The following SCAF8 variants were observed in gnomAD, a reference collection of about 807,000 sequenced individuals.
SCAF8 encodes the protein SR-related CTD associated factor 8.
In SCAF8, 23 loss-of-function variants were observed where a neutral mutation model predicts 140.5. The ratio of observed to expected loss-of-function variants is 0.16; its 90% CI spans 0.12 to 0.23. The LOEUF is 0.23. SCAF8 is among the 10% of genes least tolerant of loss of function. SCAF8 has a pLI of 1.00. For synonymous variants in SCAF8, 575 were observed against 528.9 expected (o/e 1.09, Z -1.20); for missense variants, 1,397 against 1,555.7 (o/e 0.90, Z 1.72).
chr6:154,750,720 C>T (rs1778816760), intron 1 of SCAF8, among the ~76,000 whole-genome samples: 1 of 152,116 alleles, frequency 6.6e-6, no homozygotes, highest in Non-Finnish European at 1.5e-5. Flanking sequence ...TTACATAATT[C>T]TTTGCCTTAA....
intron 15 of SCAF8, among the ~76,000 whole-genome samples, chr6:154,821,068 C>T (rs938782664): frequency 1.3e-5 from 2 of 152,122 alleles, no homozygotes; most frequent in Admixed American, 6.6e-5. Context: ...CACCCCACCC[C>T]GCCAATGGCT....
intron 2 of SCAF8, among the ~76,000 whole-genome samples, chr6:154,774,818 T>C (rs1374016552): frequency 6.6e-6 from 1 of 152,172 alleles, no homozygotes; most frequent in Non-Finnish European, 1.5e-5. Flanking sequence ...GAAATAAACA[T>C]ATGCGCAAAA....
At chr6:154,751,272 A>G (rs1031669119) in intron 1 of SCAF8, among the ~76,000 whole-genome samples, 2 of 151,096 alleles carry the variant, frequency 1.3e-5, no homozygotes, top group African/African-American at 4.9e-5. Context: ...CTTGTTGCCC[A>G]GGCTGGAGTG....
Position 154,774,114 on chromosome 6 carries a change from CTA to C in SCAF8, c.114+46_114+47del, listed in dbSNP as rs771157204. On this transcript the variant is annotated intron_variant, in intron 2 of 19. Coordinates refer to ENST00000367178, the MANE Select transcript of SCAF8 (RefSeq NM_014892.5). ...ACTCTTCTATTTTCAAAAGAAAAAA[CTA>C]TATTAATAGTTTGGATGGGGGATAA... The C allele has an allele frequency of 1.2e-4, 159 of 1,277,798 alleles. 1 individual carries two copies. The South Asian group carries it at 1.9e-3, about 15-fold the overall frequency. 79.2% of individuals were successfully genotyped at this position (1,277,798 alleles called of 1,614,324 possible).
chr6:154,817,827 G>C, intron 13 of SCAF8, among the ~76,000 whole-genome samples: 1 of 152,120 alleles, frequency 6.6e-6, no homozygotes, highest in Admixed American at 6.5e-5. Context: ...ATATATTAAG[G>C]ATAATTGTAT....
intron 16 of SCAF8, 89 bp downstream of exon 16, chr6:154,822,498 A>C (rs1778450566): frequency 7.8e-7 from 1 of 1,288,362 alleles, no homozygotes; most frequent in Admixed American, 2.3e-5. Flanking sequence ...CCGGAATGAA[A>C]ATCTCCATAT....
At chr6:154,786,100 A>G (rs1350016426) in intron 3 of SCAF8, among the ~76,000 whole-genome samples, 1 of 152,198 alleles carries the variant, frequency 6.6e-6, no homozygotes, top group African/African-American at 2.4e-5. Context: ...GCTGTGCAGG[A>G]GACTGGAGTT....
At chr6:154,811,777 G>A (rs888015891) in intron 12 of SCAF8, among the ~76,000 whole-genome samples, 1 of 151,286 alleles carries the variant, frequency 6.6e-6, no homozygotes, top group African/African-American at 2.4e-5. Context: ...CTATGAGTGA[G>A]AACATGTAGT....
chr6:154,786,469 G>A (rs562367614), intron 3 of SCAF8, among the ~76,000 whole-genome samples: 2 of 152,326 alleles, frequency 1.3e-5, no homozygotes, highest in South Asian at 4.1e-4. Flanking sequence ...TTCTAATCTT[G>A]TAGCTAATTT....
intron 18 of SCAF8, among the ~76,000 whole-genome samples, chr6:154,827,959 A>G (rs541685821): frequency 1.3e-5 from 2 of 152,070 alleles, no homozygotes; most frequent in Non-Finnish European, 2.9e-5. Flanking sequence ...GGCTCTCATT[A>G]TCAACATCCT....
At chr6:154,756,742 T>TTA (rs1395972657) in intron 1 of SCAF8, among the ~76,000 whole-genome samples, 2 of 152,168 alleles carry the variant, frequency 1.3e-5, no homozygotes, top group Non-Finnish European at 2.9e-5. Flanking sequence ...AATACGTTCT[T>TTA]TAAGCTGGGC....
chr6:154,770,353 A>G (rs1156412755), intron 1 of SCAF8, among the ~76,000 whole-genome samples: 1 of 150,666 alleles, frequency 6.6e-6, no homozygotes, highest in African/African-American at 2.4e-5. Context: ...AGTGCCAGCT[A>G]CTTGAGAGGT....
In SCAF8 at chr6:154,820,248, A is replaced by T; in HGVS notation, c.1707A>T (p.Thr569=). The change falls in exon 15 of 20, where the codon ACA becomes ACT. Residue 569 remains threonine (T), a synonymous_variant. Coordinates refer to ENST00000367178, the MANE Select transcript of SCAF8 (RefSeq NM_014892.5). Reference sequence around the variant, plus strand: ...TCTGGGATGTGGATCTTGGAGTTACATATATACCATGGGAAAAAGTTAAAG... The same window carrying T: ...TCTGGGATGTGGATCTTGGAGTTACTTATATACCATGGGAAAAAGTTAAAG... The part of the protein sequence containing the change: ...KQFWDVDLGV[T]YIPWEKVKVD... The T allele has an allele frequency of 6.2e-7, 1 of 1,611,992 alleles. No homozygotes were observed. The highest frequency in any genetic ancestry group is 2.2e-5 in the East Asian group (1 of 44,794).
At chr6:154,734,371 G>A (rs1003648226) in intron 1 of SCAF8, among the ~76,000 whole-genome samples, 1 of 152,202 alleles carries the variant, frequency 6.6e-6, no homozygotes. Context: ...TGGGGGCGGT[G>A]GGGGAAATGA....
chr6:154,770,299 A>G (rs1038477302), intron 1 of SCAF8, among the ~76,000 whole-genome samples: 3 of 151,932 alleles, frequency 2.0e-5, no homozygotes, highest in African/African-American at 7.3e-5. Context: ...ACAAAAAAAG[A>G]AAACACACAC....
chr6:154,747,302 T>A (rs1311367164), intron 1 of SCAF8, among the ~76,000 whole-genome samples: 1 of 152,064 alleles, frequency 6.6e-6, no homozygotes, highest in African/African-American at 2.4e-5. Flanking sequence ...TTGCTTGAGA[T>A]CAGGAGTTCC....
chr6:154,819,500 A>C (rs1346110148), intron 14 of SCAF8, among the ~76,000 whole-genome samples: 1 of 152,098 alleles, frequency 6.6e-6, no homozygotes, highest in Admixed American at 6.5e-5. Context: ...CTGAGGTGGG[A>C]GGATCTTTTG....
rs140989501 is a variant in SCAF8 at position 154,833,208 on chromosome 6, A to G, written c.3629A>G (p.Asn1210Ser). 1.8e-3 allele frequency: 2,895 copies of G among 1,613,970 alleles called. 5 individuals are homozygous for G. Among genetic ancestry groups the G allele is most frequent in the Non-Finnish European group, 2.2e-3 (2,636 of 1,180,002 alleles). The change falls in exon 20 of 20, where the codon AAT (asparagine) becomes AGT (serine). Residue 1210 changes from asparagine to serine, a missense_variant. Coordinates refer to ENST00000367178, the MANE Select transcript of SCAF8 (RefSeq NM_014892.5). ...GCCACTTCTCAACGAAAAGGTGATA[A>G]TGTGCCTCAGGTTAATGGTGAAAAT... ...EGATSQRKGD[N>S]VPQVNGENTE...
rs1421434803 is a variant in SCAF8 at position 154,833,113 on chromosome 6, T to C, written c.3534T>C (p.Leu1178=). 1.2e-6 allele frequency: 2 copies of C among 1,614,094 alleles called. No homozygotes were observed. The highest frequency in any genetic ancestry group is 1.3e-5 in the African/African-American group (1 of 75,034). ...DFCREMNGNR[L]GRDRIQNTWV... ...GCAGAGAAATGAATGGAAATCGTCT[T>C]GGACGAGACAGAATTCAAAACACTT... Residue 1178 remains leucine, a synonymous_variant, in exon 20 of 20, where the codon CTT becomes CTC. Transcript: ENST00000367178.
Sources: allele counts gnomAD v4.1 joint callset (sites outside exome capture counted in the v4.1 genomes callset), GRCh38; gene constraint gnomAD v4.1.1; transcripts MANE v1.5; gene names NCBI Gene and HGNC (gene_info 2026-07-23, HGNC 2026-07-21).